Variants in FHIT observed in about 807,000 individuals in gnomAD.
FHIT encodes bis(5'-adenosyl)-triphosphatase.
Under a neutral mutation model 17.9 loss-of-function variants are expected in FHIT, and 19 were observed. That is an observed-to-expected ratio of 1.06 (90% CI 0.74 to 1.56). The LOEUF is 1.56. FHIT is among the 40% of genes most tolerant of loss of function. The pLI is 0.00. For synonymous variants in FHIT, 81 were observed against 69.7 expected (o/e 1.16, Z -0.81); for missense variants, 248 against 189.2 (o/e 1.31, Z -1.82).
intron 3 of FHIT, among the ~76,000 whole-genome samples, chr3:60,844,141 C>T (rs79472434): frequency 2.5e-3 from 374 of 152,198 alleles, no homozygotes; most frequent in African/African-American, 8.6e-3. Flanking sequence ...AATACAAAGG[C>T]ATACTATAGT....
intron 5 of FHIT, among the ~76,000 whole-genome samples, chr3:60,403,681 T>C (rs1701748433): frequency 6.6e-6 from 1 of 152,144 alleles, no homozygotes; most frequent in Non-Finnish European, 1.5e-5. Context: ...GAGGCAAAGA[T>C]GAATGCAGAC....
chr3:60,418,374 GTGTATATATATA>G (rs1355293620), intron 5 of FHIT, among the ~76,000 whole-genome samples: 4 of 2,360 alleles, frequency 1.7e-3, no homozygotes, highest in African/African-American at 2.1e-3. Flanking sequence ...ATCTGAATGT[GTGTATATATATA>G]TATATATATA....
chr3:61,210,053 C>G (rs561443111), intron 1 of FHIT, among the ~76,000 whole-genome samples: 67 of 152,344 alleles, frequency 4.4e-4, no homozygotes, highest in African/African-American at 1.5e-3. Context: ...AGCTGCAGGT[C>G]TGTTGGAGTT....
intron 4 of FHIT, among the ~76,000 whole-genome samples, chr3:60,608,470 A>C (rs2038679216): frequency 6.6e-6 from 1 of 152,188 alleles, no homozygotes; most frequent in African/African-American, 2.4e-5. Context: ...ATATGTACAT[A>C]AGTGTTCACC....
intron 4 of FHIT, among the ~76,000 whole-genome samples, chr3:60,709,439 T>C (rs1269115356): frequency 6.6e-6 from 1 of 152,202 alleles, no homozygotes; most frequent in South Asian, 2.1e-4. Flanking sequence ...GCATCAAAAC[T>C]TAACAAATGG....
intron 3 of FHIT, among the ~76,000 whole-genome samples, chr3:60,873,129 G>C (rs1438960538): frequency 7.1e-6 from 1 of 141,248 alleles, no homozygotes; most frequent in East Asian, 1.9e-4. Context: ...GGCAGGGAGA[G>C]AGGGAGAGGG....
At chr3:61,068,091 A>G (rs1444482975) in intron 2 of FHIT, among the ~76,000 whole-genome samples, 1 of 152,134 alleles carries the variant, frequency 6.6e-6, no homozygotes, top group East Asian at 1.9e-4. Context: ...CATTTCAGTA[A>G]TTTACCAGGT....
chr3:60,613,906 A>G (rs574609982), intron 4 of FHIT, among the ~76,000 whole-genome samples: 2 of 152,258 alleles, frequency 1.3e-5, no homozygotes, highest in Admixed American at 1.3e-4. Flanking sequence ...GAAATCAATG[A>G]AGTAGGAAGC....
chr3:60,357,388 C>A (rs1699718036), intron 5 of FHIT, among the ~76,000 whole-genome samples: 1 of 151,944 alleles, frequency 6.6e-6, no homozygotes, highest in African/African-American at 2.4e-5. Flanking sequence ...GGATTACAGG[C>A]ACCCATCACC....
intron 3 of FHIT, among the ~76,000 whole-genome samples, chr3:61,002,646 C>T (rs2031174256): frequency 6.6e-6 from 1 of 152,162 alleles, no homozygotes; most frequent in Admixed American, 6.5e-5. Context: ...ACCACCATTC[C>T]ACTCACTACT....
chr3:60,740,873 T>A (rs550585679), intron 4 of FHIT, among the ~76,000 whole-genome samples: 4 of 152,346 alleles, frequency 2.6e-5, no homozygotes, highest in East Asian at 1.9e-4. Flanking sequence ...ATGAGTTTAG[T>A]CACCATGAAC....
chr3:60,918,595 A>G (rs370359149), intron 3 of FHIT, among the ~76,000 whole-genome samples: 2 of 152,172 alleles, frequency 1.3e-5, no homozygotes, highest in African/African-American at 4.8e-5. Context: ...AATGGTTCAA[A>G]AAGAAGGCTG....
intron 8 of FHIT, among the ~76,000 whole-genome samples, chr3:59,905,087 G>C (rs998440332): frequency 6.6e-6 from 1 of 152,224 alleles, no homozygotes; most frequent in African/African-American, 2.4e-5. Flanking sequence ...TCTTCCACTT[G>C]AGGTGGGGTT....
At chr3:60,265,112 G>A (rs1003528395) in intron 5 of FHIT, among the ~76,000 whole-genome samples, 1 of 151,726 alleles carries the variant, frequency 6.6e-6, no homozygotes, top group South Asian at 2.1e-4. Flanking sequence ...TCCTTTCAAT[G>A]AAAAGTCTAC....
chr3:60,161,201 G>T (rs1451856763), intron 5 of FHIT, among the ~76,000 whole-genome samples: 1 of 152,186 alleles, frequency 6.6e-6, no homozygotes, highest in East Asian at 1.9e-4. Context: ...GCTATTAAAA[G>T]GTGGCAAATC....
At chr3:59,807,236 C>G (rs113463251) in intron 8 of FHIT, among the ~76,000 whole-genome samples, 3 of 152,314 alleles carry the variant, frequency 2.0e-5, no homozygotes, top group Admixed American at 1.3e-4. Flanking sequence ...CTAGTGCAAT[C>G]TTCCATCTGG....
intron 5 of FHIT, among the ~76,000 whole-genome samples, chr3:60,203,477 T>TGAC (rs1339423625): frequency 6.6e-6 from 1 of 152,188 alleles, no homozygotes; most frequent in Non-Finnish European, 1.5e-5. Context: ...GGACCTGAGA[T>TGAC]GACCCTTTTC....
chr3:60,837,750 A>G (rs1056528934), intron 3 of FHIT, among the ~76,000 whole-genome samples: 3 of 152,056 alleles, frequency 2.0e-5, no homozygotes, highest in African/African-American at 7.2e-5. Flanking sequence ...TGATTTATCT[A>G]AAGTGTCTTT....
At chr3:60,554,174 G>C (rs1015799675) in intron 4 of FHIT, among the ~76,000 whole-genome samples, 3 of 151,784 alleles carry the variant, frequency 2.0e-5, no homozygotes, top group Non-Finnish European at 4.4e-5. Flanking sequence ...GACAAAGTAT[G>C]GCATGACTTC....
Sources: allele counts gnomAD v4.1 joint callset (sites outside exome capture counted in the v4.1 genomes callset), GRCh38; gene constraint gnomAD v4.1.1; transcripts MANE v1.5; gene names NCBI Gene and HGNC (gene_info 2026-07-23, HGNC 2026-07-21).